PTPRT: variants seen among roughly 807,000 people sequenced by gnomAD.
PTPRT encodes the protein protein tyrosine phosphatase receptor type T.
A neutral mutation model predicts 176.8 loss-of-function variants in PTPRT; 56 were observed. That is an observed-to-expected ratio of 0.32 (90% CI 0.26 to 0.40). The LOEUF (loss-of-function observed/expected upper bound fraction) is 0.40, where lower values mean the gene tolerates loss of function less well. Ranked by LOEUF, PTPRT falls within the 10% of genes least tolerant of loss-of-function variation. PTPRT has a pLI of 1.00. For synonymous variants in PTPRT, 783 were observed against 739.0 expected, an observed-to-expected ratio of 1.06 and a Z score of -0.96; for missense variants, 1,540 against 1,908.2, an observed-to-expected ratio of 0.81 and a Z score of 3.60.
At chr20:42,272,830 C>T (rs886978489) in intron 13 of PTPRT, among the ~76,000 whole-genome samples, 2 of 152,174 alleles carry the variant, frequency 1.3e-5, no homozygotes, top group South Asian at 2.1e-4. Flanking sequence ...AGCCATCATT[C>T]CTTTGCCTTG....
intron 7 of PTPRT, among the ~76,000 whole-genome samples, chr20:42,628,976 C>A (rs76667918): frequency 6.6e-6 from 1 of 152,134 alleles, no homozygotes; most frequent in Non-Finnish European, 1.5e-5. Context: ...AAGATTCAAA[C>A]CCAGATCTAT....
intron 1 of PTPRT, among the ~76,000 whole-genome samples, chr20:43,082,612 C>A (rs75994249): frequency 2.6e-5 from 4 of 152,114 alleles, no homozygotes; most frequent in Admixed American, 6.5e-5. Context: ...TTTTTTCAGA[C>A]ATCTCCAGAA....
intron 7 of PTPRT, among the ~76,000 whole-genome samples, chr20:42,496,268 C>A (rs1759400385): frequency 6.6e-6 from 1 of 152,018 alleles, no homozygotes; most frequent in Non-Finnish European, 1.5e-5. Context: ...CAGGCATACC[C>A]CATGTAACTT....
At chr20:42,345,392 C>CACACAT (rs34632070) in intron 11 of PTPRT, among the ~76,000 whole-genome samples, 12 of 130,238 alleles carry the variant, frequency 9.2e-5, no homozygotes, top group African/African-American at 3.1e-4. Context: ...CACACACACA[C>CACACAT]ATATATATAT....
At chr20:42,086,726 CAAAAAA>C (rs367948746) in intron 27 of PTPRT, among the ~76,000 whole-genome samples, 2,552 of 82,144 alleles carry the variant, frequency 0.031, 249 homozygotes, top group Middle Eastern at 0.074. Flanking sequence ...GACTCCATCT[CAAAAAA>C]AAAAAAAAAA....
chr20:42,405,491 C>A (rs550200356), intron 9 of PTPRT, among the ~76,000 whole-genome samples: 4 of 152,254 alleles, frequency 2.6e-5, no homozygotes, highest in Admixed American at 6.5e-5. Flanking sequence ...TGGTTTCCAG[C>A]TTCATCCATG....
At chr20:42,769,105 G>A (rs550098711) in intron 5 of PTPRT, among the ~76,000 whole-genome samples, 1 of 152,298 alleles carries the variant, frequency 6.6e-6, no homozygotes, top group South Asian at 2.1e-4. Context: ...GAATACTGAG[G>A]TGACGTGGAG....
Position 42,104,643 on chromosome 20 carries a change from A to G in PTPRT, c.3466T>C (p.Phe1156Leu). The change falls in exon 25 of 31, where the codon TTC (phenylalanine) becomes CTC (leucine). Residue 1156 changes from phenylalanine (F) to leucine (L), a missense_variant. Around this residue, in one of 11 missense-constraint regions of PTPRT, gnomAD observed 342 missense variants for 394.0 expected, o/e 0.87. Coordinates refer to ENST00000373187, the MANE Select transcript of PTPRT (RefSeq NM_007050.6). ...CGNTAIPVCE[F>L]RSLYYNISRL... Reference sequence around the variant, plus strand: ...CTGATATTGTAGTAGAGAGAACGGAACTCACACACAGGGATGGCAGTGTTG... The same window carrying G: ...CTGATATTGTAGTAGAGAGAACGGAGCTCACACACAGGGATGGCAGTGTTG... 6.2e-7 allele frequency: 1 copy of G among 1,602,778 alleles called. No individual in the cohort carries two copies. Among genetic ancestry groups the G allele is most frequent in the Non-Finnish European group, 8.5e-7 (1 of 1,169,740 alleles).
At chr20:42,518,661 T>C (rs74167785) in intron 7 of PTPRT, among the ~76,000 whole-genome samples, 10 of 152,092 alleles carry the variant, frequency 6.6e-5, no homozygotes. Flanking sequence ...ATGTGTATTG[T>C]CTTTCTTCCT....
At chr20:42,084,933 G>T in intron 28 of PTPRT, 88 bp from the exon 29 acceptor site, 1 of 1,184,018 alleles carries the variant, frequency 8.4e-7, no homozygotes, top group East Asian at 2.9e-5. Flanking sequence ...GCAGCATCAT[G>T]GTGGAAGACA....
chr20:42,700,070 A>T (rs577455405), intron 6 of PTPRT, among the ~76,000 whole-genome samples: 13 of 152,306 alleles, frequency 8.5e-5, no homozygotes, highest in Admixed American at 2.6e-4. Context: ...GCCACTGGGC[A>T]GTGAATCCAG....
intron 1 of PTPRT, among the ~76,000 whole-genome samples, chr20:42,983,523 T>C (rs893914405): frequency 6.6e-6 from 1 of 152,166 alleles, no homozygotes; most frequent in Non-Finnish European, 1.5e-5. Context: ...CTGGATGCCA[T>C]ATCCACTATC....
intron 7 of PTPRT, among the ~76,000 whole-genome samples, chr20:42,526,970 T>C (rs2072283279): frequency 7.3e-6 from 1 of 137,716 alleles, no homozygotes; most frequent in African/African-American, 2.7e-5. Context: ...TTTTTTTTTT[T>C]TTTTTTTTTT....
intron 1 of PTPRT, among the ~76,000 whole-genome samples, chr20:43,173,745 G>A (rs2015060091): frequency 6.6e-6 from 1 of 152,222 alleles, no homozygotes; most frequent in African/African-American, 2.4e-5. Flanking sequence ...TCCAGGACAG[G>A]TGAGGGTCCT....
chr20:42,626,516 T>C (rs1384178675), intron 7 of PTPRT, among the ~76,000 whole-genome samples: 1 of 152,202 alleles, frequency 6.6e-6, no homozygotes, highest in Non-Finnish European at 1.5e-5. Context: ...TTCAGTACAC[T>C]ACTAAATGCA....
In PTPRT at chr20:42,222,568, G is replaced by A. The variant is rs146443507; in HGVS notation, c.2342+13661C>T. 3.3e-3 allele frequency among the ~76,000 whole-genome samples: 505 copies of A among 152,238 alleles called. 3 individuals are homozygous for A. Among genetic ancestry groups the A allele is most frequent in the Middle Eastern group, 0.01 (3 of 294 alleles). ...GAGGGTCCCACCTCATACCCAGGGG[G>A]AGGAATGCTGATTTTATGAAGCTCC... On this transcript the variant is annotated intron_variant, in intron 15 of 30. Transcript: ENST00000373187.
rs567933359 is a variant in PTPRT at position 42,800,846 on chromosome 20, A to G, written c.215-9380T>C. ...AAATTGGGTCATCGCTATTATTGCC[A>G]AGCTTTAAAATGCCAGGGCTGGGAG... is the stretch of plus-strand genomic sequence containing the variant. On this transcript the variant is annotated intron_variant, in intron 2 of 30. Transcript: ENST00000373187. Among the ~76,000 whole-genome samples the G allele has an allele frequency of 3.3e-4, 51 of 152,260 alleles. No individual in the cohort carries two copies. In the South Asian group the frequency reaches 4.8e-3, roughly 14 times the overall value.
intron 1 of PTPRT, among the ~76,000 whole-genome samples, chr20:42,962,995 G>A (rs551423330): frequency 7.6e-4 from 115 of 152,146 alleles, no homozygotes; most frequent in African/African-American, 2.4e-3. Context: ...TCAGAAGATC[G>A]AGACCATCCT....
chr20:42,785,015 C>T (rs1460366981), intron 3 of PTPRT, among the ~76,000 whole-genome samples: 1 of 152,048 alleles, frequency 6.6e-6, no homozygotes, highest in Non-Finnish European at 1.5e-5. Context: ...TTAATGTTCT[C>T]ACTATACAAA....
Sources: gnomAD v4.1 joint callset for allele counts (sites outside exome capture counted in the v4.1 genomes callset) on GRCh38, gnomAD v4.1.1 for gene constraint, gnomAD v4.1.1 regional missense constraint, MANE v1.5 for transcripts, NCBI Gene and HGNC (gene_info 2026-07-23, HGNC 2026-07-21) for gene names.